TBL3: variants seen among roughly 807,000 people sequenced by gnomAD.
TBL3 encodes the protein transducin beta-like protein 3.
Under a neutral mutation model 102.7 loss-of-function variants are expected in TBL3, and 71 were observed. The observed-to-expected ratio is 0.69, with a 90% confidence interval of 0.57 to 0.84. The LOEUF is 0.84. Ranked by LOEUF, TBL3 falls within the 40% of genes least tolerant of loss-of-function variation. TBL3 has a pLI of 0.00. For missense variants in TBL3, 1,188 were observed against 1,098.5 expected, an observed-to-expected ratio of 1.08 and a Z score of -1.15; for synonymous variants, 578 against 477.7, an observed-to-expected ratio of 1.21 and a Z score of -2.74.
At position 1,978,352 on chromosome 16, in the gene TBL3, C is replaced by G. The variant is rs1385676713; in HGVS notation, c.2174C>G (p.Ser725Trp). The change falls in exon 21 of 22, where the codon TCG becomes TGG. Residue 725 changes from serine to tryptophan, a missense_variant. Coordinates refer to ENST00000568546, the MANE Select transcript of TBL3 (RefSeq NM_006453.3). ...LRFCVTWNTNSRHCHEAQAVL... is the reference protein window; with the variant it reads ...LRFCVTWNTNWRHCHEAQAVL... ...TTCTGCGTCACGTGGAACACCAACTCGCGGCACTGCCACGAGGCCCAGGCC... is the reference window on the plus strand; with the variant it reads ...TTCTGCGTCACGTGGAACACCAACTGGCGGCACTGCCACGAGGCCCAGGCC... The G allele has an allele frequency of 1.1e-5, 17 of 1,611,014 alleles. No individual in the cohort carries two copies. Among genetic ancestry groups the G allele is most frequent in the Non-Finnish European group, 1.4e-5 (17 of 1,178,912 alleles).
rs1027009525 is a variant in TBL3 at position 1,974,332 on chromosome 16, G to A, written c.189+40G>A. ...GGTGGGTGAGGGGCAAGTGGAGAGG[G>A]CAGCCCACTCACACCGTGCTCGGCA... is the stretch of plus-strand genomic sequence containing the variant. On this transcript the variant is annotated intron_variant, in intron 3 of 21. Transcript: ENST00000568546. 8 of 1,590,220 alleles carry A rather than the reference G, an allele frequency of 5.0e-6. No homozygotes were observed. The African/African-American group carries it at 6.7e-5, about 13-fold the overall frequency.
Position 1,979,392 on chromosome 16 carries a change from T to C in TBL3, c.*707T>C. ...TGGTTAGGGCCCCGCCCGCCTCGGC[T>C]AGCCTGCCCTGCCCACGCCCGCTCC... On this transcript the variant is annotated 3_prime_UTR_variant, in exon 22 of 22. Transcript: ENST00000568546. 3.1e-6 allele frequency: 5 copies of C among 1,598,008 alleles called. No individual in the cohort carries two copies. The highest frequency in any genetic ancestry group is 1.1e-5 in the South Asian group (1 of 90,244).
rs1471388584 is a variant in TBL3, at chr16:1,980,571, G to C, written c.*1886G>C. On this transcript the variant is annotated 3_prime_UTR_variant, in exon 22 of 22. Transcript: ENST00000568546. ...TTAAGGCACCACAAAAACGTACTGT[G>C]ATACGCCGCTTTGGGCTTCACTGGT... The C allele has an allele frequency of 1.9e-6, 3 of 1,598,290 alleles. No homozygotes were observed. Among genetic ancestry groups the C allele is most frequent in the Non-Finnish European group, 2.6e-6 (3 of 1,171,700 alleles).
chr16:1,979,721 G>T lies in TBL3; in HGVS notation c.*1036G>T. On this transcript the variant is annotated 3_prime_UTR_variant, in exon 22 of 22. Transcript: ENST00000568546. ...GCTCCTGGCCCGCCCTGCCCGCGGTGCTTCTGGCCCAGTCTTGCCACACGG... is the reference window on the plus strand; with the variant it reads ...GCTCCTGGCCCGCCCTGCCCGCGGTTCTTCTGGCCCAGTCTTGCCACACGG... 7.6e-7 allele frequency: 1 copy of T among 1,319,392 alleles called. No homozygotes were observed. Among genetic ancestry groups the T allele is most frequent in the Non-Finnish European group, 1.0e-6 (1 of 975,298 alleles). 81.7% of individuals were successfully genotyped at this position (1,319,392 alleles called of 1,614,324 possible). A position where few individuals can be genotyped will look rare whatever the true frequency, so the allele number is the denominator to read the frequency against.
rs2083402702 is a variant in TBL3, at chr16:1,976,445, T to C, written c.1292+131T>C. The C allele has an allele frequency of 7.7e-6, 6 of 781,854 alleles. No individual in the cohort carries two copies. In the South Asian group the frequency reaches 9.7e-5, roughly 13 times the overall value. The allele number at this position is 781,854 out of a possible 1,614,324, so 48.4% of individuals were successfully genotyped here. A position where few individuals can be genotyped will look rare whatever the true frequency, so the allele number is the denominator to read the frequency against. On this transcript the variant is annotated intron_variant, in intron 13 of 21. Transcript: ENST00000568546. The stretch of plus-strand genomic sequence containing the variant: ...GCTCTGAGGCTCCAGCCCAAAGATG[T>C]GGAACAGAACAGGACAGGAGAGTCC...
chr16:1,972,884 C>T (rs145237115), intron 1 of TBL3, among the ~76,000 whole-genome samples: 18 of 152,244 alleles, frequency 1.2e-4, no homozygotes, highest in African/African-American at 3.6e-4. Context: ...TCCAGAAGCG[C>T]AGTGAGCCAG....
Position 1,978,896 on chromosome 16 carries a change from C to G in TBL3, c.*211C>G. The G allele has an allele frequency of 8.3e-6, 9 of 1,089,774 alleles. No homozygotes were observed. Among genetic ancestry groups the G allele is most frequent in the African/African-American group, 1.6e-5 (1 of 62,796 alleles). The allele number at this position is 1,089,774 out of a possible 1,614,324, so 67.5% of individuals were successfully genotyped here. A position where few individuals can be genotyped will look rare whatever the true frequency, so the allele number is the denominator to read the frequency against. ...CTGGCAGAGATCCAGCCCGCGGCTC[C>G]GCACGCTTAGACGGTGGGGGTCATG... On this transcript the variant is annotated 3_prime_UTR_variant, in exon 22 of 22. Coordinates refer to ENST00000568546, the MANE Select transcript of TBL3 (RefSeq NM_006453.3).
rs756700782 is a variant in TBL3, at chr16:1,977,550, GAAC to G, written c.1783_1785del (p.Asn595del). The stretch of plus-strand genomic sequence containing the variant: ...GCCTCGTGAAGCTCTGGACCATCAA[GAAC>G]AACGAGTGTGTGCGGACGCTGGATG... On this transcript the variant is annotated inframe_deletion, in exon 17 of 22. Coordinates refer to ENST00000568546, the MANE Select transcript of TBL3 (RefSeq NM_006453.3). 18 of 1,599,820 alleles carry G rather than the reference GAAC, an allele frequency of 1.1e-5. No individual in the cohort carries two copies. The East Asian group carries it at 1.8e-4, about 16-fold the overall frequency.
intron 1 of TBL3, among the ~76,000 whole-genome samples, chr16:1,972,679 G>A (rs867075171): frequency 7.9e-5 from 12 of 152,210 alleles, no homozygotes; most frequent in Admixed American, 2.0e-4. Context: ...CACTCCCCAA[G>A]CCTTTGCCGA....
chr16:1,974,457 C>T (rs2083383099), intron 4 of TBL3, 34 bp downstream of exon 4: 2 of 1,593,044 alleles, frequency 1.3e-6, no homozygotes, highest in African/African-American at 1.3e-5. Flanking sequence ...GGACCCGCTC[C>T]AGCGCCTCCC....
Position 1,979,407 on chromosome 16 carries a change from A to T in TBL3, c.*722A>T, listed in dbSNP as rs1292643760. 2.5e-6 allele frequency: 4 copies of T among 1,603,094 alleles called. No homozygotes were observed. In the South Asian group the frequency reaches 4.4e-5, roughly 18 times the overall value. On this transcript the variant is annotated 3_prime_UTR_variant, in exon 22 of 22. Coordinates refer to ENST00000568546, the MANE Select transcript of TBL3 (RefSeq NM_006453.3). ...CCGCCTCGGCTAGCCTGCCCTGCCC[A>T]CGCCCGCTCCCGCGTACCTGCATAG... is the stretch of plus-strand genomic sequence containing the variant.
chr16:1,979,019 G>T lies in TBL3; in HGVS notation c.*334G>T. 6.6e-7 allele frequency: 1 copy of T among 1,524,610 alleles called. No individual in the cohort carries two copies. Among genetic ancestry groups the T allele is most frequent in the Non-Finnish European group, 8.7e-7 (1 of 1,143,616 alleles). 94.4% of individuals were successfully genotyped at this position (1,524,610 alleles called of 1,614,324 possible). A position where few individuals can be genotyped will look rare whatever the true frequency, so the allele number is the denominator to read the frequency against. ...CCCGCTCCTCCCCAGCCCTGGGATGGCGCGGTCCATCCCCTCATCGGGATC... is the reference window on the plus strand; with the variant it reads ...CCCGCTCCTCCCCAGCCCTGGGATGTCGCGGTCCATCCCCTCATCGGGATC... On this transcript the variant is annotated 3_prime_UTR_variant, in exon 22 of 22. Coordinates refer to ENST00000568546, the MANE Select transcript of TBL3 (RefSeq NM_006453.3).
In TBL3 at chr16:1,974,964, G is replaced by GCTCTTCTC; in HGVS notation, c.505_512dup (p.Ala172SerfsTer23). 6.2e-7 allele frequency: 1 copy of GCTCTTCTC among 1,609,912 alleles called. No individual in the cohort carries two copies. Among genetic ancestry groups the GCTCTTCTC allele is most frequent in the South Asian group, 1.1e-5 (1 of 91,084 alleles). ...TCCACCCGGACCCTACACGCCTGCT[G>GCTCTTCTC]CTCTTCTCCTCGGCCACGGATGCCG... On this transcript the variant is annotated frameshift_variant, in exon 7 of 22. Transcript: ENST00000568546. LOFTEE classifies it high-confidence loss of function.
Position 1,980,453 on chromosome 16 carries a change from A to G in TBL3, c.*1768A>G, listed in dbSNP as rs1362179245. Reference sequence around the variant, plus strand: ...TCGGGCTCCGTGCCACGCGCTCTGCAGTCGCCAGCAGCCTCCGAGAATAGG... The same window carrying G: ...TCGGGCTCCGTGCCACGCGCTCTGCGGTCGCCAGCAGCCTCCGAGAATAGG... On this transcript the variant is annotated 3_prime_UTR_variant, in exon 22 of 22. Coordinates refer to ENST00000568546, the MANE Select transcript of TBL3 (RefSeq NM_006453.3). 6.2e-7 allele frequency: 1 copy of G among 1,601,796 alleles called. No homozygotes were observed. Among genetic ancestry groups the G allele is most frequent in the African/African-American group, 1.3e-5 (1 of 74,942 alleles).
Position 1,974,062 on chromosome 16 carries a change from T to C in TBL3, c.48T>C (p.Ala16=). 2 of 1,575,254 alleles carry C rather than the reference T, an allele frequency of 1.3e-6. No homozygotes were observed. Among genetic ancestry groups the C allele is most frequent in the Non-Finnish European group, 8.7e-7 (1 of 1,154,448 alleles). The change falls in exon 2 of 22, where the codon GCT becomes GCC. Residue 16 remains alanine, a synonymous_variant. Coordinates refer to ENST00000568546, the MANE Select transcript of TBL3 (RefSeq NM_006453.3). The part of the protein sequence containing the change: ...AGVGRFKTNY[A]VERKIEPFYK... ...CCTCCCGCTCTCCTTCCAGCTATGC[T>C]GTGGAGCGCAAAATTGAGCCTTTCT...
chr16:1,980,634 C>A lies in TBL3; in HGVS notation c.*1949C>A. ...CAGGCAAGCCACCGCCTTCCCCGCTCCCGTACCCAGGCTGGCCTGACCGAG... is the reference window on the plus strand; with the variant it reads ...CAGGCAAGCCACCGCCTTCCCCGCTACCGTACCCAGGCTGGCCTGACCGAG... On this transcript the variant is annotated 3_prime_UTR_variant, in exon 22 of 22. Coordinates refer to ENST00000568546, the MANE Select transcript of TBL3 (RefSeq NM_006453.3). The A allele has an allele frequency of 8.1e-6, 13 of 1,600,224 alleles. No individual in the cohort carries two copies. Among genetic ancestry groups the A allele is most frequent in the Non-Finnish European group, 1.1e-5 (13 of 1,173,114 alleles).
chr16:1,980,035 G>T lies in TBL3; in HGVS notation c.*1350G>T, dbSNP rs371747005. Reference sequence around the variant, plus strand: ...CAGCAGCACGTCCAGGCTCTCCTGGGCCTGCGCCTGAAAAGGCCTATCCCG... The same window carrying T: ...CAGCAGCACGTCCAGGCTCTCCTGGTCCTGCGCCTGAAAAGGCCTATCCCG... On this transcript the variant is annotated 3_prime_UTR_variant, in exon 22 of 22. Transcript: ENST00000568546. The T allele has an allele frequency of 1.0e-5, 16 of 1,606,402 alleles. No individual in the cohort carries two copies. The highest frequency in any genetic ancestry group is 1.7e-5 in the Admixed American group (1 of 58,948).
chr16:1,980,963 A>G lies in TBL3; in HGVS notation c.*2278A>G. The G allele has an allele frequency of 6.2e-7, 1 of 1,612,864 alleles. No individual in the cohort carries two copies. Among genetic ancestry groups the G allele is most frequent in the Non-Finnish European group, 8.5e-7 (1 of 1,179,960 alleles). ...CCTTGAGCTGCCTGAATTCGTCCCA[A>G]CTCCTGCGCACGAAGGTGTCGCTGC... is the stretch of plus-strand genomic sequence containing the variant. On this transcript the variant is annotated 3_prime_UTR_variant, in exon 22 of 22. Coordinates refer to ENST00000568546, the MANE Select transcript of TBL3 (RefSeq NM_006453.3).
At position 1,980,587 on chromosome 16, in the gene TBL3, C is replaced by T. The variant is rs2083484931; in HGVS notation, c.*1902C>T. On this transcript the variant is annotated 3_prime_UTR_variant, in exon 22 of 22. Transcript: ENST00000568546. ...ACGTACTGTGATACGCCGCTTTGGG[C>T]TTCACTGGTCCCTGGCGCCCCCAGG... 6.3e-7 allele frequency: 1 copy of T among 1,593,470 alleles called. No individual in the cohort carries two copies. The highest frequency in any genetic ancestry group is 2.3e-5 in the East Asian group (1 of 44,272).
Sources: allele counts gnomAD v4.1 joint callset (sites outside exome capture counted in the v4.1 genomes callset), GRCh38; gene constraint gnomAD v4.1.1; transcripts MANE v1.5; gene names NCBI Gene and HGNC (gene_info 2026-07-23, HGNC 2026-07-21).